GRID2: variants seen among roughly 807,000 people sequenced by gnomAD.
The protein encoded by GRID2 is glutamate ionotropic receptor delta type subunit 2, also known as glutamate receptor ionotropic, delta-2.
In GRID2, 33 loss-of-function variants were observed where a neutral mutation model predicts 114.8. That is an observed-to-expected ratio of 0.29 (90% CI 0.22 to 0.38). The LOEUF is 0.38. GRID2 is among the 10% of genes least tolerant of loss of function. The pLI is 1.00. For missense variants in GRID2, 1,184 were observed against 1,257.7 expected, an observed-to-expected ratio of 0.94 and a Z score of 0.89; for synonymous variants, 505 against 449.9, an observed-to-expected ratio of 1.12 and a Z score of -1.55.
At chr4:92,391,806 T>A (rs1338963210) in intron 1 of GRID2, among the ~76,000 whole-genome samples, 1 of 152,160 alleles carries the variant, frequency 6.6e-6, no homozygotes, top group East Asian at 1.9e-4. Flanking sequence ...TGAAACATAA[T>A]AGCAAGTTGA....
At chr4:92,892,983 GAAAT>G (rs1288420757) in intron 2 of GRID2, among the ~76,000 whole-genome samples, 1 of 152,102 alleles carries the variant, frequency 6.6e-6, no homozygotes, top group East Asian at 1.9e-4. Flanking sequence ...AAATATGAAA[GAAAT>G]GCATTCTTTT....
chr4:92,583,150 C>G (rs541275260), intron 1 of GRID2, among the ~76,000 whole-genome samples: 1 of 151,982 alleles, frequency 6.6e-6, no homozygotes, highest in Non-Finnish European at 1.5e-5. Flanking sequence ...TAGCTTGGGC[C>G]TAGGGAAAGT....
chr4:92,770,023 A>G (rs1051218055), intron 2 of GRID2, among the ~76,000 whole-genome samples: 1 of 152,230 alleles, frequency 6.6e-6, no homozygotes, highest in African/African-American at 2.4e-5. Flanking sequence ...GTTAGGCTGC[A>G]AATTTTCCAA....
intron 2 of GRID2, among the ~76,000 whole-genome samples, chr4:92,694,294 G>T (rs1353773238): frequency 6.6e-6 from 1 of 152,136 alleles, no homozygotes; most frequent in Non-Finnish European, 1.5e-5. Flanking sequence ...GAACACTGCA[G>T]CTCTTCCAGG....
At chr4:93,800,724 A>G (rs1734911586) in intron 1 of GRID2, among the ~76,000 whole-genome samples, 2 of 152,210 alleles carry the variant, frequency 1.3e-5, no homozygotes, top group Non-Finnish European at 2.9e-5. Flanking sequence ...GATGAAAGTT[A>G]TTTTATAATT....
chr4:93,473,010 ATATG>A (rs2149437151), intron 11 of GRID2, among the ~76,000 whole-genome samples: 1 of 152,336 alleles, frequency 6.6e-6, no homozygotes, highest in Non-Finnish European at 1.5e-5. Flanking sequence ...AAATATATTA[ATATG>A]TATGCAACAG....
intron 14 of GRID2, among the ~76,000 whole-genome samples, chr4:93,741,665 C>G (rs1294502524): frequency 6.6e-6 from 1 of 152,176 alleles, no homozygotes; most frequent in Non-Finnish European, 1.5e-5. Context: ...CAGTGGCTCA[C>G]GCCTGTAATC....
chr4:93,244,034 TTAAA>T (rs1356791713), intron 8 of GRID2, among the ~76,000 whole-genome samples: 15 of 152,068 alleles, frequency 9.9e-5, no homozygotes, highest in Non-Finnish European at 1.9e-4. Context: ...AAAGTAAAGA[TTAAA>T]TAACTCTACG....
intron 1 of GRID2, among the ~76,000 whole-genome samples, chr4:92,440,739 G>T (rs888352797): frequency 6.6e-6 from 1 of 152,076 alleles, no homozygotes; most frequent in Non-Finnish European, 1.5e-5. Context: ...CGTGATCAGG[G>T]TGAGGAACAG....
intron 2 of GRID2, among the ~76,000 whole-genome samples, chr4:92,954,181 A>T (rs564379749): frequency 3.9e-5 from 6 of 152,282 alleles, no homozygotes; most frequent in African/African-American, 1.4e-4. Flanking sequence ...ATATGAAAAA[A>T]GCATACTATG....
chr4:93,542,363 ATTT>A (rs1732737464), intron 13 of GRID2, among the ~76,000 whole-genome samples: 1 of 152,112 alleles, frequency 6.6e-6, no homozygotes, highest in Non-Finnish European at 1.5e-5. Context: ...GGTTTCAATA[ATTT>A]TTCTTTTGGA....
chr4:92,645,070 A>G (rs1731543882), intron 2 of GRID2, among the ~76,000 whole-genome samples: 1 of 151,610 alleles, frequency 6.6e-6, no homozygotes, highest in African/African-American at 2.4e-5. Flanking sequence ...TTAAACAAAA[A>G]TATTCTAGTA....
chr4:92,587,545 T>A (rs193165554), intron 1 of GRID2, among the ~76,000 whole-genome samples: 2 of 152,200 alleles, frequency 1.3e-5, no homozygotes, highest in African/African-American at 2.4e-5. Context: ...CAGTTTAAGA[T>A]GAGATTTTTA....
At chr4:93,665,386 T>C (rs1023408438) in intron 14 of GRID2, among the ~76,000 whole-genome samples, 1 of 152,226 alleles carries the variant, frequency 6.6e-6, no homozygotes, top group Non-Finnish European at 1.5e-5. Flanking sequence ...CTTAAACCTC[T>C]TGTTTACTGT....
chr4:92,638,188 C>G (rs923182090), intron 2 of GRID2, among the ~76,000 whole-genome samples: 8 of 151,514 alleles, frequency 5.3e-5, no homozygotes, highest in Non-Finnish European at 1.2e-4. Flanking sequence ...TATTTAAAAT[C>G]TCTTAAAATA....
chr4:92,578,097 TC>T (rs1407530488), intron 1 of GRID2, among the ~76,000 whole-genome samples: 1 of 63,648 alleles, frequency 1.6e-5, no homozygotes, highest in Non-Finnish European at 3.1e-5. Flanking sequence ...TTCTTCTTCT[TC>T]TTCTTCTTCT....
At chr4:92,387,967 T>G (rs954150271) in intron 1 of GRID2, among the ~76,000 whole-genome samples, 1 of 152,084 alleles carries the variant, frequency 6.6e-6, no homozygotes, top group African/African-American at 2.4e-5. Context: ...CATTTATTAC[T>G]GTAAAACAAA....
intron 1 of GRID2, among the ~76,000 whole-genome samples, chr4:92,379,671 A>C (rs1381443298): frequency 2.6e-5 from 4 of 151,914 alleles, no homozygotes; most frequent in African/African-American, 9.7e-5. Context: ...AAGACTAAGG[A>C]TGTTAGGCCC....
rs531863924 is a variant in GRID2 at position 92,433,297 on chromosome 4, G to C, written c.88+128553G>C. On this transcript the variant is annotated intron_variant, in intron 1 of 15. Coordinates refer to ENST00000282020, the MANE Select transcript of GRID2 (RefSeq NM_001510.4). ...GTACACCTCAAGTCCACTGGCTCTGGGCCCAGCACAGCACTAAGCTGTGCT... is the reference window on the plus strand; with the variant it reads ...GTACACCTCAAGTCCACTGGCTCTGCGCCCAGCACAGCACTAAGCTGTGCT... Among the ~76,000 whole-genome samples, 4 of 152,252 alleles carry C rather than the reference G, an allele frequency of 2.6e-5. No homozygotes were observed. The South Asian group carries it at 8.3e-4, about 32-fold the overall frequency.
Sources: gnomAD v4.1 joint callset for allele counts (sites outside exome capture counted in the v4.1 genomes callset) on GRCh38, gnomAD v4.1.1 for gene constraint, MANE v1.5 for transcripts, NCBI Gene and HGNC (gene_info 2026-07-23, HGNC 2026-07-21) for gene names.